PRKAR1B: variants seen among roughly 807,000 people sequenced by gnomAD.
The protein encoded by PRKAR1B is cAMP-dependent protein kinase type I-beta regulatory subunit.
Under a neutral mutation model 46.5 loss-of-function variants are expected in PRKAR1B, and 22 were observed. The observed-to-expected ratio is 0.47, with a 90% CI of 0.34 to 0.68. The LOEUF is 0.68. Among genes scored for constraint, PRKAR1B ranks in the 30% least tolerant of loss-of-function variants. PRKAR1B has a pLI of 0.01. For missense variants in PRKAR1B, 445 were observed against 535.6 expected, an observed-to-expected ratio of 0.83 and a Z score of 1.67; for synonymous variants, 259 against 217.7, an observed-to-expected ratio of 1.19 and a Z score of -1.67.
At chr7:585,543 C>A (rs1213829506) in intron 7 of PRKAR1B, among the ~76,000 whole-genome samples, 1 of 151,974 alleles carries the variant, frequency 6.6e-6, no homozygotes, top group South Asian at 2.1e-4. Flanking sequence ...GACCGAGAGA[C>A]GACATGCTAG....
chr7:616,210 C>T (rs1782816752), intron 4 of PRKAR1B, among the ~76,000 whole-genome samples: 1 of 152,252 alleles, frequency 6.6e-6, no homozygotes, highest in African/African-American at 2.4e-5. Context: ...GTCCTGGCCC[C>T]CTGTGCTGGA....
chr7:680,938 C>A (rs1778646853), intron 2 of PRKAR1B, among the ~76,000 whole-genome samples: 1 of 152,140 alleles, frequency 6.6e-6, no homozygotes, highest in South Asian at 2.1e-4. Context: ...ACTCAAATCT[C>A]ATTTTGTGTC....
chr7:714,180 G>C lies in PRKAR1B; in HGVS notation c.-22-2653C>G, dbSNP rs1364033500. Among the ~76,000 whole-genome samples the C allele has an allele frequency of 6.6e-6, 1 of 152,112 alleles. No individual in the cohort carries two copies. The highest frequency in any genetic ancestry group is 1.9e-4 in the East Asian group (1 of 5,188). On this transcript the variant is annotated intron_variant, in intron 1 of 10. Transcript: ENST00000537384. This position sits in a 1 kb window ranked among gnomAD's most constrained non-coding sequence, Gnocchi z 4.3. Reference sequence around the variant, plus strand: ...TGCCACCTAACCAAGGCGACGTCTCGCTTCGGGGGGCAGATGCTCCAGGCC... The same window carrying C: ...TGCCACCTAACCAAGGCGACGTCTCCCTTCGGGGGGCAGATGCTCCAGGCC...
intron 9 of PRKAR1B, among the ~76,000 whole-genome samples, chr7:563,619 T>C (rs917997087): frequency 5.9e-5 from 9 of 152,064 alleles, no homozygotes; most frequent in African/African-American, 1.7e-4. Flanking sequence ...GGTATGTGTA[T>C]GCACTGTGTG....
At chr7:591,150 C>G (rs747408182) in intron 7 of PRKAR1B, among the ~76,000 whole-genome samples, 20 of 152,388 alleles carry the variant, frequency 1.3e-4, no homozygotes, top group Non-Finnish European at 8.8e-5. Context: ...GGCGGGGTGA[C>G]AGCTGAAGGC....
At chr7:611,608 T>G (rs1048975649) in intron 4 of PRKAR1B, among the ~76,000 whole-genome samples, 2 of 152,250 alleles carry the variant, frequency 1.3e-5, no homozygotes, top group African/African-American at 4.8e-5. Context: ...CACAGCTGAC[T>G]GAGCTCTCAG....
rs1222715866 is a variant in PRKAR1B, at chr7:713,997, C to G, written c.-22-2470G>C. ...TTAGAACTCCATCCCACAACCCACT[C>G]AGACCTCTGGCTCTCCCAGCCCTGG... On this transcript the variant is annotated intron_variant, in intron 1 of 10. Coordinates refer to ENST00000537384, the MANE Select transcript of PRKAR1B (RefSeq NM_001164760.2). Among the ~76,000 whole-genome samples the G allele has an allele frequency of 2.0e-5, 3 of 152,312 alleles. No individual in the cohort carries two copies. The East Asian group carries it at 5.8e-4, about 29-fold the overall frequency.
chr7:583,416 A>G (rs1562537005), intron 8 of PRKAR1B, among the ~76,000 whole-genome samples: 15 of 65,104 alleles, frequency 2.3e-4, no homozygotes, highest in South Asian at 6.1e-4. Context: ...GTGCACACCC[A>G]CGCACACACG....
At chr7:716,294 A>G (rs976475502) in intron 1 of PRKAR1B, among the ~76,000 whole-genome samples, 6 of 150,068 alleles carry the variant, frequency 4.0e-5, no homozygotes, top group South Asian at 2.1e-4. Flanking sequence ...CTGGCCTCCA[A>G]CAATCCTCCC....
chr7:584,434 G>C (rs776675921), intron 8 of PRKAR1B, 74 bp downstream of exon 8: 95 of 1,323,554 alleles, frequency 7.2e-5, no homozygotes, highest in South Asian at 6.9e-4. Flanking sequence ...CGCAGGGAAT[G>C]GGGAAGAGGC....
intron 4 of PRKAR1B, among the ~76,000 whole-genome samples, chr7:624,759 C>T (rs62432167): frequency 0.75 from 113,823 of 152,160 alleles, 43,004 homozygotes; most frequent in South Asian, 0.9. Context: ...ACAAATGCAC[C>T]ATTATAGTTT....
chr7:655,511 C>T (rs1172149580), intron 4 of PRKAR1B, among the ~76,000 whole-genome samples: 1 of 152,232 alleles, frequency 6.6e-6, no homozygotes, highest in Admixed American at 6.5e-5. Flanking sequence ...TCCAAAACTG[C>T]ATCCCCATCC....
chr7:588,547 C>CAGTGGTGGTGACGAT (rs1562541649), intron 7 of PRKAR1B, among the ~76,000 whole-genome samples: 3 of 4,914 alleles, frequency 6.1e-4, no homozygotes, highest in African/African-American at 1.8e-3. Flanking sequence ...ATGGTGGTGA[C>CAGTGGTGGTGACGAT]GGTGGTGATG....
At chr7:574,723 C>T (rs554948975) in intron 9 of PRKAR1B, among the ~76,000 whole-genome samples, 33 of 152,190 alleles carry the variant, frequency 2.2e-4, no homozygotes, top group South Asian at 4.1e-4. Flanking sequence ...GGATTATAGG[C>T]GTGAGCCACC....
chr7:561,188 C>T (rs981487994), intron 9 of PRKAR1B, among the ~76,000 whole-genome samples: 4 of 151,304 alleles, frequency 2.6e-5, no homozygotes, highest in African/African-American at 9.7e-5. Context: ...TACACACATG[C>T]ACACACACCC....
At chr7:652,508 C>T (rs1784964963) in intron 4 of PRKAR1B, among the ~76,000 whole-genome samples, 2 of 151,992 alleles carry the variant, frequency 1.3e-5, no homozygotes, top group Admixed American at 1.3e-4. Flanking sequence ...CCACACAGTG[C>T]TAGGAACCTG....
At chr7:705,808 C>T (rs922931058) in intron 2 of PRKAR1B, among the ~76,000 whole-genome samples, 1 of 152,110 alleles carries the variant, frequency 6.6e-6, no homozygotes, top group Non-Finnish European at 1.5e-5. Flanking sequence ...AGGTGGATCA[C>T]CTGAGGTCAG....
At position 687,290 on chromosome 7, in the gene PRKAR1B, G is replaced by C. The variant is rs555487872; in HGVS notation, c.178-6564C>G. Among the ~76,000 whole-genome samples the C allele has an allele frequency of 2.0e-5, 3 of 152,282 alleles. No individual in the cohort carries two copies. In the East Asian group the frequency reaches 5.8e-4, roughly 29 times the overall value. ...AGGGGATGCAGATCATGGAGTTAAT[G>C]GACATAGACTTTAAAATAATTATGC... On this transcript the variant is annotated intron_variant, in intron 2 of 10. Coordinates refer to ENST00000537384, the MANE Select transcript of PRKAR1B (RefSeq NM_001164760.2).
intron 9 of PRKAR1B, among the ~76,000 whole-genome samples, chr7:570,077 G>C (rs1310509014): frequency 6.6e-6 from 1 of 152,272 alleles, no homozygotes; most frequent in South Asian, 2.1e-4. Context: ...CCCTCAGACA[G>C]GGAAGACTTG....
Sources: allele counts gnomAD v4.1 joint callset (sites outside exome capture counted in the v4.1 genomes callset), GRCh38; gene constraint gnomAD v4.1.1; non-coding constraint Gnocchi (gnomAD v3.1); transcripts MANE v1.5; gene names NCBI Gene and HGNC (gene_info 2026-07-23, HGNC 2026-07-21).